The following CPVL variants were observed in gnomAD, a reference collection of about 807,000 sequenced individuals.
CPVL encodes probable serine carboxypeptidase CPVL.
Under a neutral mutation model 63.7 loss-of-function variants are expected in CPVL, and 51 were observed. The observed-to-expected ratio is 0.80, with a 90% CI of 0.64 to 1.01. The LOEUF is 1.01. Among genes scored for constraint, CPVL ranks in the 50% least tolerant of loss-of-function variants. CPVL has a pLI of 0.00. For synonymous variants in CPVL, 195 were observed against 206.0 expected, an observed-to-expected ratio of 0.95 and a Z score of 0.46; for missense variants, 530 against 573.1, an observed-to-expected ratio of 0.92 and a Z score of 0.77.
intron 11 of CPVL, among the ~76,000 whole-genome samples, chr7:29,035,977 T>C (rs1788487165): frequency 6.6e-6 from 1 of 152,222 alleles, no homozygotes; most frequent in South Asian, 2.1e-4. Flanking sequence ...ATAAGTCTAC[T>C]CATTAGTTTT....
chr7:29,079,456 GC>G (rs148885930), intron 7 of CPVL, among the ~76,000 whole-genome samples: 2,502 of 152,280 alleles, frequency 0.016, 28 homozygotes, highest in African/African-American at 0.042. Context: ...ACCTCACTAA[GC>G]CTCGGTCACC....
intron 1 of CPVL, among the ~76,000 whole-genome samples, chr7:29,121,757 G>T (rs1386365768): frequency 6.6e-6 from 1 of 152,070 alleles, no homozygotes; most frequent in Non-Finnish European, 1.5e-5. Context: ...CACCTTTCAG[G>T]GAAATTTCAA....
At chr7:29,135,211 C>T (rs991853957) in intron 1 of CPVL, among the ~76,000 whole-genome samples, 3 of 151,846 alleles carry the variant, frequency 2.0e-5, no homozygotes, top group Admixed American at 6.6e-5. Flanking sequence ...CCATCAAGTT[C>T]CCAGATCAAG....
chr7:29,152,127 G>C (rs914087772), intron 5 of CPVL, among the ~76,000 whole-genome samples: 5 of 152,110 alleles, frequency 3.3e-5, no homozygotes, highest in Non-Finnish European at 5.9e-5. Context: ...GCCTCTGAAG[G>C]GTTTTCCAGA....
intron 3 of CPVL, among the ~76,000 whole-genome samples, chr7:29,108,816 G>A (rs1046385441): frequency 5.3e-5 from 8 of 152,316 alleles, no homozygotes; most frequent in South Asian, 2.1e-4. Context: ...CTTAAGCAGC[G>A]AAGCCAAGAT....
intron 1 of CPVL, among the ~76,000 whole-genome samples, chr7:29,143,686 C>T (rs1334832008): frequency 1.3e-5 from 2 of 152,034 alleles, no homozygotes; most frequent in African/African-American, 2.4e-5. Flanking sequence ...TAAAGACAAC[C>T]AATAACTAGA....
At chr7:29,141,929 T>C (rs1791935095) in intron 1 of CPVL, among the ~76,000 whole-genome samples, 1 of 150,158 alleles carries the variant, frequency 6.7e-6, no homozygotes, top group Non-Finnish European at 1.5e-5. Context: ...AAAAAAAAAG[T>C]AGCTGTTGCC....
At chr7:29,060,547 A>G (rs1432567059) in intron 11 of CPVL, among the ~76,000 whole-genome samples, 3 of 152,186 alleles carry the variant, frequency 2.0e-5, no homozygotes, top group African/African-American at 7.2e-5. Flanking sequence ...TCAATTTACC[A>G]CCCAAACATC....
At chr7:29,072,586 T>C (rs867345810) in intron 7 of CPVL, among the ~76,000 whole-genome samples, 163 bp from the exon 8 acceptor site, 1 of 152,264 alleles carries the variant, frequency 6.6e-6, no homozygotes, top group Non-Finnish European at 1.5e-5. Flanking sequence ...CAAAAACCTC[T>C]GTCTTCCAAT....
At chr7:29,170,054 G>A (rs970061272) in intron 5 of CPVL, among the ~76,000 whole-genome samples, 1 of 151,826 alleles carries the variant, frequency 6.6e-6, no homozygotes, top group African/African-American at 2.4e-5. Context: ...GTGTCCTTTT[G>A]ATCCTTGTAT....
At chr7:29,005,188 G>A (rs1359200916) in intron 12 of CPVL, among the ~76,000 whole-genome samples, 3 of 151,914 alleles carry the variant, frequency 2.0e-5, no homozygotes, top group Admixed American at 2.0e-4. Context: ...ATCGCGCCTG[G>A]CCCATTACAA....
chr7:29,067,233 G>A (rs1002821746), intron 9 of CPVL, among the ~76,000 whole-genome samples: 1 of 152,142 alleles, frequency 6.6e-6, no homozygotes, highest in Non-Finnish European at 1.5e-5. Flanking sequence ...AGGCACCAAG[G>A]ACCAGGTCCC....
intron 12 of CPVL, among the ~76,000 whole-genome samples, chr7:29,020,671 T>TA (rs1011395335): frequency 7.7e-6 from 1 of 130,464 alleles, no homozygotes; most frequent in Non-Finnish European, 1.8e-5. Flanking sequence ...ATGTTGTTTT[T>TA]AAAAAAACAA....
chr7:29,079,743 G>C (rs891613076), intron 7 of CPVL, among the ~76,000 whole-genome samples: 3 of 152,164 alleles, frequency 2.0e-5, no homozygotes, highest in Non-Finnish European at 2.9e-5. Context: ...CCTACTTCTA[G>C]AATCGCTCTC....
chr7:29,097,814 G>C (rs886250808), intron 3 of CPVL, among the ~76,000 whole-genome samples: 3 of 152,206 alleles, frequency 2.0e-5, no homozygotes, highest in African/African-American at 7.2e-5. Flanking sequence ...AATGAGGTCT[G>C]AGCGCTGCCC....
At chr7:29,096,333 C>T (rs1175864207) in intron 3 of CPVL, 116 bp from the exon 4 acceptor site, 3 of 772,868 alleles carry the variant, frequency 3.9e-6, no homozygotes, top group African/African-American at 3.4e-5. Context: ...CTAAATCCTA[C>T]AAAACCTCCC....
At chr7:29,090,945 C>G (rs552840529) in intron 6 of CPVL, among the ~76,000 whole-genome samples, 9 of 152,220 alleles carry the variant, frequency 5.9e-5, no homozygotes, top group Admixed American at 3.9e-4. Context: ...CCTGTAGTAG[C>G]CCATTTGCAG....
chr7:29,058,209 C>T (rs1350155665), intron 11 of CPVL, among the ~76,000 whole-genome samples: 1 of 152,052 alleles, frequency 6.6e-6, no homozygotes, highest in Non-Finnish European at 1.5e-5. Flanking sequence ...CAGAGTTTTG[C>T]AGTTTTCCTA....
At chr7:29,022,602 T>C (rs988289576) in intron 12 of CPVL, among the ~76,000 whole-genome samples, 5 of 152,210 alleles carry the variant, frequency 3.3e-5, no homozygotes, top group African/African-American at 1.2e-4. Context: ...CTGGCATGCA[T>C]ACATGCCTTC....
Sources: gnomAD v4.1 joint callset for allele counts (sites outside exome capture counted in the v4.1 genomes callset) on GRCh38, gnomAD v4.1.1 for gene constraint, MANE v1.5 for transcripts, NCBI Gene and HGNC (gene_info 2026-07-23, HGNC 2026-07-21) for gene names.